SOHLH2: variants seen among roughly 807,000 people sequenced by gnomAD.
SOHLH2 encodes the protein spermatogenesis- and oogenesis-specific basic helix-loop-helix-containing protein 2.
In SOHLH2, 22 loss-of-function variants were observed where a neutral mutation model predicts 50.4. That is an observed-to-expected ratio of 0.44 (90% CI 0.31 to 0.62). The LOEUF is 0.62. Among genes scored for constraint, SOHLH2 ranks in the 20% least tolerant of loss-of-function variants. The pLI is 0.08. For synonymous variants in SOHLH2, 185 were observed against 187.3 expected (o/e 0.99, Z 0.10); for missense variants, 412 against 504.4 (o/e 0.82, Z 1.76).
At chr13:36,210,440 A>T (rs965211528) in intron 1 of SOHLH2, among the ~76,000 whole-genome samples, 16 of 147,354 alleles carry the variant, frequency 1.1e-4, no homozygotes, top group Admixed American at 2.7e-4. Flanking sequence ...TTTACTGTGT[A>T]TTTTTTTTTT....
At chr13:36,194,829 T>G (rs1202211845) in intron 2 of SOHLH2, among the ~76,000 whole-genome samples, 4 of 152,178 alleles carry the variant, frequency 2.6e-5, no homozygotes, top group African/African-American at 9.7e-5. Context: ...TATTAGCATG[T>G]GGTTACATAT....
At chr13:36,201,722 G>A (rs1192679956) in intron 2 of SOHLH2, among the ~76,000 whole-genome samples, 157 bp downstream of exon 2, 1 of 152,064 alleles carries the variant, frequency 6.6e-6, no homozygotes, top group Non-Finnish European at 1.5e-5. Flanking sequence ...ATCCCACATC[G>A]GCCTCTCAAA....
chr13:36,193,256 G>A (rs1197116377), intron 4 of SOHLH2, among the ~76,000 whole-genome samples: 1 of 152,182 alleles, frequency 6.6e-6, no homozygotes. Flanking sequence ...GTTTTGCAAA[G>A]AAGAAAGCAC....
intron 6 of SOHLH2, among the ~76,000 whole-genome samples, chr13:36,189,040 G>C (rs1182615026): frequency 1.3e-5 from 2 of 152,102 alleles, no homozygotes; most frequent in African/African-American, 4.8e-5. Flanking sequence ...TTCGTCAGTG[G>C]ATGGTGTCAC....
chr13:36,214,527 G>A lies in SOHLH2; in HGVS notation c.-1C>T. 1.2e-6 allele frequency: 2 copies of A among 1,611,718 alleles called. No individual in the cohort carries two copies. Among genetic ancestry groups the A allele is most frequent in the Non-Finnish European group, 1.7e-6 (2 of 1,179,172 alleles). On this transcript the variant is annotated 5_prime_UTR_variant, in exon 1 of 11. Transcript: ENST00000379881. ...CCTGGCAGATAATTGAGGAAGCCAT[G>A]GCCGCTGCGCACGTGCTGGGTCCTG... is the stretch of plus-strand genomic sequence containing the variant.
intron 6 of SOHLH2, among the ~76,000 whole-genome samples, chr13:36,189,674 A>G (rs761865708): frequency 3.9e-5 from 6 of 152,192 alleles, no homozygotes; most frequent in Non-Finnish European, 7.3e-5. Context: ...TTAATAGCCT[A>G]TTTAAAAGTC....
chr13:36,178,763 T>C (rs918513018), intron 6 of SOHLH2, among the ~76,000 whole-genome samples: 24 of 152,172 alleles, frequency 1.6e-4, no homozygotes, highest in African/African-American at 4.3e-4. Context: ...ATTCATGATT[T>C]AGTTTTTATT....
intron 2 of SOHLH2, 46 bp downstream of exon 2, chr13:36,201,832 TA>T (rs763365237): frequency 8.2e-6 from 13 of 1,593,682 alleles, no homozygotes; most frequent in Admixed American, 3.6e-5. Context: ...AATGGGTTTT[TA>T]AAAAAATGAT....
At chr13:36,189,263 TC>T (rs1340372781) in intron 6 of SOHLH2, among the ~76,000 whole-genome samples, 1 of 152,164 alleles carries the variant, frequency 6.6e-6, no homozygotes, top group East Asian at 1.9e-4. Flanking sequence ...GGTATAAATC[TC>T]ATCATAACAC....
chr13:36,177,677 C>T (rs1327205092), intron 6 of SOHLH2, among the ~76,000 whole-genome samples: 1 of 152,060 alleles, frequency 6.6e-6, no homozygotes, highest in African/African-American at 2.4e-5. Context: ...ATGTTGAGCA[C>T]TTTTTCCTGT....
chr13:36,186,639 G>A (rs191620293), intron 6 of SOHLH2, among the ~76,000 whole-genome samples: 35 of 152,096 alleles, frequency 2.3e-4, no homozygotes, highest in Admixed American at 9.8e-4. Flanking sequence ...AGACTCATGG[G>A]TACACAAAAA....
Position 36,168,409 on chromosome 13 carries a change from C to T in SOHLH2, c.*625G>A, listed in dbSNP as rs545321334. On this transcript the variant is annotated 3_prime_UTR_variant, in exon 11 of 11. Coordinates refer to ENST00000379881, the MANE Select transcript of SOHLH2 (RefSeq NM_017826.3). ...CCAGAAAGAAATATTTACCTATTAGCCATCGTTTCACTCAAGGGATTGTGA... is the reference window on the plus strand; with the variant it reads ...CCAGAAAGAAATATTTACCTATTAGTCATCGTTTCACTCAAGGGATTGTGA... 1.4e-4 allele frequency: 22 copies of T among 152,230 alleles called. No individual in the cohort carries two copies. The highest frequency in any genetic ancestry group is 4.8e-4 in the African/African-American group (20 of 41,534). The allele number at this position is 152,230 out of a possible 1,614,324, so 9.4% of individuals were successfully genotyped here. A position where few individuals can be genotyped will look rare whatever the true frequency, so the allele number is the denominator to read the frequency against.
chr13:36,203,549 C>T (rs1868557794), intron 1 of SOHLH2, among the ~76,000 whole-genome samples: 1 of 152,084 alleles, frequency 6.6e-6, no homozygotes, highest in South Asian at 2.1e-4. Context: ...AAGCATATAT[C>T]CTCGAATCCA....
Position 36,201,938 on chromosome 13 carries a change from A to C in SOHLH2, c.204T>G (p.Val68=), listed in dbSNP as rs1868444387. ...TTAGTGAAGAAGGCACCTTCAAGAG[A>C]ACCATGTTGAATATGCAATCATCCA... ...ALLDDCIFNM[V]LLKVPSSLSA... Residue 68 remains valine, a synonymous_variant, in exon 2 of 11, where the codon GTT becomes GTG. Coordinates refer to ENST00000379881, the MANE Select transcript of SOHLH2 (RefSeq NM_017826.3). 6.2e-7 allele frequency: 1 copy of C among 1,614,212 alleles called. No homozygotes were observed. The highest frequency in any genetic ancestry group is 2.2e-5 in the East Asian group (1 of 44,886).
intron 2 of SOHLH2, among the ~76,000 whole-genome samples, chr13:36,197,899 C>T (rs1284857376): frequency 6.6e-6 from 1 of 152,126 alleles, no homozygotes; most frequent in Non-Finnish European, 1.5e-5. Flanking sequence ...ATTCGTAGGA[C>T]AAAGGTTTTA....
At chr13:36,187,648 G>A (rs780012516) in intron 6 of SOHLH2, among the ~76,000 whole-genome samples, 43 of 152,270 alleles carry the variant, frequency 2.8e-4, no homozygotes, top group Non-Finnish European at 4.7e-4. Context: ...GGACCATTCA[G>A]CAAAGAACTT....
chr13:36,200,338 G>C (rs948108120), intron 2 of SOHLH2, among the ~76,000 whole-genome samples: 3 of 152,198 alleles, frequency 2.0e-5, no homozygotes, highest in Non-Finnish European at 4.4e-5. Flanking sequence ...TAGTTTGCCT[G>C]ATGTGTCTAG....
At chr13:36,209,339 T>C (rs1868969859) in intron 1 of SOHLH2, among the ~76,000 whole-genome samples, 1 of 152,116 alleles carries the variant, frequency 6.6e-6, no homozygotes. Context: ...TTTTTTTTTT[T>C]CTATTCCCTT....
intron 2 of SOHLH2, among the ~76,000 whole-genome samples, chr13:36,199,588 A>G (rs1022949586): frequency 7.2e-5 from 11 of 152,214 alleles, no homozygotes; most frequent in African/African-American, 2.7e-4. Context: ...TTAAGGCAAA[A>G]TAACAGAACT....
Sources: gnomAD v4.1 joint callset for allele counts (sites outside exome capture counted in the v4.1 genomes callset) on GRCh38, gnomAD v4.1.1 for gene constraint, MANE v1.5 for transcripts, NCBI Gene and HGNC (gene_info 2026-07-23, HGNC 2026-07-21) for gene names.